MICAL3: variants seen among roughly 807,000 people sequenced by gnomAD.
MICAL3 encodes [F-actin]-monooxygenase MICAL3.
A neutral mutation model predicts 207.4 loss-of-function variants in MICAL3; 62 were observed. That is an observed-to-expected ratio of 0.30 (90% CI 0.24 to 0.37). The LOEUF is 0.37. Ranked by LOEUF, MICAL3 falls within the 10% of genes least tolerant of loss-of-function variation. MICAL3 has a pLI of 1.00. For synonymous variants in MICAL3, 1,077 were observed against 1,069.3 expected (o/e 1.01, Z -0.14); for missense variants, 2,368 against 2,635.6 (o/e 0.90, Z 2.22).
intron 1 of MICAL3, among the ~76,000 whole-genome samples, chr22:17,971,457 G>A (rs989906584): frequency 6.6e-6 from 1 of 152,180 alleles, no homozygotes. Flanking sequence ...TCCAGCCTGG[G>A]CGACAGTGCA....
At chr22:17,894,098 G>A (rs540798857) in intron 10 of MICAL3, among the ~76,000 whole-genome samples, 194 bp from the exon 11 acceptor site, 4 of 152,276 alleles carry the variant, frequency 2.6e-5, no homozygotes, top group East Asian at 1.9e-4. Context: ...CATTTTAACT[G>A]TGGGACTTTG....
rs117804111 is a variant in MICAL3, at chr22:17,982,305, A to C, written c.-75+41976T>G. On this transcript the variant is annotated intron_variant, in intron 1 of 31. Transcript: ENST00000441493. Reference sequence around the variant, plus strand: ...CTTTCCCACAGCCGGGCACTGGAGAAACTGCACGTGCAACACGTTATCTTT... The same window carrying C: ...CTTTCCCACAGCCGGGCACTGGAGACACTGCACGTGCAACACGTTATCTTT... 6.6e-3 allele frequency among the ~76,000 whole-genome samples: 1,011 copies of C among 152,342 alleles called. 5 individuals carry two copies. Among genetic ancestry groups the C allele is most frequent in the Non-Finnish European group, 0.01 (695 of 68,034 alleles).
intron 29 of MICAL3, among the ~76,000 whole-genome samples, chr22:17,802,631 C>A (rs191179414): frequency 1.3e-5 from 2 of 152,248 alleles, no homozygotes; most frequent in Admixed American, 6.5e-5. Flanking sequence ...AGGTGAGAGC[C>A]CCGCCTTGGA....
chr22:17,872,056 C>A (rs1213157417), intron 16 of MICAL3, 33 bp from the exon 17 acceptor site: 2 of 1,562,178 alleles, frequency 1.3e-6, no homozygotes, highest in Non-Finnish European at 1.7e-6. Flanking sequence ...GGAAGGGGAG[C>A]ACCTCAGGGA....
At chr22:17,798,860 A>G (rs1252683269) in intron 29 of MICAL3, among the ~76,000 whole-genome samples, 1 of 151,644 alleles carries the variant, frequency 6.6e-6, no homozygotes, top group Non-Finnish European at 1.5e-5. Context: ...TTTTTAGTAG[A>G]GATGGGGTTT....
At chr22:17,935,051 C>T (rs1231132017) in intron 1 of MICAL3, among the ~76,000 whole-genome samples, 6 of 152,094 alleles carry the variant, frequency 3.9e-5, no homozygotes. Context: ...CTACGAATGA[C>T]TTTCTTCACA....
intron 1 of MICAL3, among the ~76,000 whole-genome samples, chr22:17,953,617 T>C (rs9605449): frequency 0.046 from 7,020 of 152,002 alleles, 276 homozygotes; most frequent in African/African-American, 0.11. Flanking sequence ...GACAAGAAAC[T>C]CCTTGCTCTA....
chr22:17,829,591 A>C (rs1052948500), intron 21 of MICAL3, among the ~76,000 whole-genome samples: 1 of 152,206 alleles, frequency 6.6e-6, no homozygotes, highest in African/African-American at 2.4e-5. Context: ...CTACCTTCTC[A>C]GCAACAAAGA....
At chr22:17,820,385 C>T (rs1475318104) in intron 25 of MICAL3, among the ~76,000 whole-genome samples, 4 of 152,190 alleles carry the variant, frequency 2.6e-5, no homozygotes, top group African/African-American at 4.8e-5. Flanking sequence ...GACGGAGTCT[C>T]GCTCTGTCGC....
chr22:17,881,329 A>G, intron 16 of MICAL3: 1 of 1,564,442 alleles, frequency 6.4e-7, no homozygotes, highest in Non-Finnish European at 8.7e-7. Flanking sequence ...ACACAAACAG[A>G]GAGAACATCA....
In MICAL3 at chr22:17,841,526, G is replaced by A. The variant is rs1413109801; in HGVS notation, c.2801+296C>T. 1.3e-5 allele frequency: 7 copies of A among 544,352 alleles called. No homozygotes were observed. Among genetic ancestry groups the A allele is most frequent in the Non-Finnish European group, 2.0e-5 (6 of 304,798 alleles). The allele number at this position is 544,352 out of a possible 1,614,324, so 33.7% of individuals were successfully genotyped here. A position where few individuals can be genotyped will look rare whatever the true frequency, so the allele number is the denominator to read the frequency against. ...CCGTCCTTCCCTCTGCTGAATCTGT[G>A]AATAACCCGGGGGCAGAGCCTGCCA... On this transcript the variant is annotated intron_variant, in intron 20 of 31. Coordinates refer to ENST00000441493, the MANE Select transcript of MICAL3 (RefSeq NM_015241.3). The surrounding 1 kb of genome is among the most constrained non-coding windows in gnomAD (Gnocchi z 4.2).
At chr22:17,888,132 C>G (rs1287666281) in intron 13 of MICAL3, among the ~76,000 whole-genome samples, 1 of 152,208 alleles carries the variant, frequency 6.6e-6, no homozygotes, top group Admixed American at 6.5e-5. Flanking sequence ...AAACATCCTT[C>G]TTGGCACATC....
intron 3 of MICAL3, among the ~76,000 whole-genome samples, chr22:17,903,644 T>G (rs973832070): frequency 1.3e-5 from 2 of 152,188 alleles, no homozygotes; most frequent in African/African-American, 4.8e-5. Flanking sequence ...CCCAAATACT[T>G]GTTAAGCTCT....
chr22:17,934,011 C>G (rs974948377), intron 1 of MICAL3, among the ~76,000 whole-genome samples: 15 of 152,134 alleles, frequency 9.9e-5, no homozygotes, highest in Non-Finnish European at 1.6e-4. Context: ...AGTCCAGGAC[C>G]AGATGGATTC....
Position 17,818,486 on chromosome 22 carries a change from G to C in MICAL3, c.4175C>G (p.Pro1392Arg). 6.2e-6 allele frequency: 10 copies of C among 1,612,932 alleles called. No homozygotes were observed. The highest frequency in any genetic ancestry group is 8.5e-6 in the Non-Finnish European group (10 of 1,179,884). ...GGACAACGGCTCGCCTTCCGGCTTT[G>C]GCAGGCCCAGCCTTTTGGGGATGGA... The part of the protein sequence containing the change: ...PLSIPKRLGL[P>R]KPEGEPLSLP... Residue 1392 changes from proline (P) to arginine (R), a missense_variant, in exon 26 of 32, where the codon CCA (proline) becomes CGA (arginine). Pro to Arg is a moderately radical substitution (Grantham distance 103, BLOSUM62 -2). Around this residue, in one of 4 missense-constraint regions of MICAL3, gnomAD observed 1,770 missense variants for 1,863.2 expected, o/e 0.95. Coordinates refer to ENST00000441493, the MANE Select transcript of MICAL3 (RefSeq NM_015241.3).
rs1050003237 is a variant in MICAL3 at position 17,788,579 on chromosome 22, T to C, written c.*2153A>G. On this transcript the variant is annotated 3_prime_UTR_variant, in exon 32 of 32. Coordinates refer to ENST00000441493, the MANE Select transcript of MICAL3 (RefSeq NM_015241.3). ...TGAAGGTCTTTTCCCACGTCCAATTTTATGGGACGACTGGGGTTTGAAGAT... is the reference window on the plus strand; with the variant it reads ...TGAAGGTCTTTTCCCACGTCCAATTCTATGGGACGACTGGGGTTTGAAGAT... 6.6e-6 allele frequency: 1 copy of C among 152,262 alleles called. No homozygotes were observed. Among genetic ancestry groups the C allele is most frequent in the Admixed American group, 6.5e-5 (1 of 15,288 alleles). The allele number at this position is 152,262 out of a possible 1,614,324, so 9.4% of individuals were successfully genotyped here.
At chr22:17,909,077 G>T (rs1196656590) in intron 1 of MICAL3, among the ~76,000 whole-genome samples, 3 of 152,166 alleles carry the variant, frequency 2.0e-5, no homozygotes, top group Non-Finnish European at 4.4e-5. Flanking sequence ...TAAATACAAG[G>T]AACTGCCCTC....
chr22:18,023,916 T>C (rs1924640201), intron 1 of MICAL3, among the ~76,000 whole-genome samples: 1 of 151,752 alleles, frequency 6.6e-6, no homozygotes. Context: ...CTGGCCTACC[T>C]CGGGGGTGCC....
At chr22:18,018,801 C>T (rs555292168) in intron 1 of MICAL3, among the ~76,000 whole-genome samples, 2 of 152,244 alleles carry the variant, frequency 1.3e-5, no homozygotes, top group African/African-American at 2.4e-5. Context: ...CATACACACA[C>T]ACACACAGTA....
Sources: gnomAD v4.1 joint callset for allele counts (sites outside exome capture counted in the v4.1 genomes callset) on GRCh38, gnomAD v4.1.1 for gene constraint, gnomAD v4.1.1 regional missense constraint, Gnocchi (gnomAD v3.1) non-coding constraint, MANE v1.5 for transcripts, NCBI Gene and HGNC (gene_info 2026-07-23, HGNC 2026-07-21) for gene names.